TCERG1L: variants seen among roughly 807,000 people sequenced by gnomAD.
The protein encoded by TCERG1L is transcription elongation regulator 1 like.
TCERG1L carries 37 observed loss-of-function variants against 56.3 expected under a neutral mutation model. That is an observed-to-expected ratio of 0.66 (90% confidence interval 0.51 to 0.87). The LOEUF is 0.87. Among genes scored for constraint, TCERG1L ranks in the 40% least tolerant of loss-of-function variants. The probability of loss-of-function intolerance (pLI) is 0.00; values close to 1 mark genes in which losing one functional copy is unlikely to be tolerated. For synonymous variants in TCERG1L, 324 were observed against 326.3 expected (o/e 0.99, Z 0.08); for missense variants, 799 against 774.2 (o/e 1.03, Z -0.38).
rs367834785 is a variant in TCERG1L at position 131,211,494 on chromosome 10, C to T, written c.857-44609G>A. ...TGCTAGAACCCCTTCTATTTAGTTA[C>T]ACCACGAGAAGTAATGTCCCAGGAT... On this transcript the variant is annotated intron_variant, in intron 4 of 11. Transcript: ENST00000368642. 1.1e-4 allele frequency among the ~76,000 whole-genome samples: 17 copies of T among 152,326 alleles called. No homozygotes were observed. The East Asian group carries it at 2.5e-3, about 23-fold the overall frequency.
intron 4 of TCERG1L, among the ~76,000 whole-genome samples, chr10:131,168,413 G>A (rs561534121): frequency 3.3e-4 from 50 of 152,306 alleles, no homozygotes; most frequent in African/African-American, 1.2e-3. Flanking sequence ...TCTGGCTTGC[G>A]GCTGCAGAGC....
chr10:131,148,650 A>C (rs1845829329), intron 6 of TCERG1L, among the ~76,000 whole-genome samples: 1 of 126,008 alleles, frequency 7.9e-6, no homozygotes, highest in South Asian at 2.6e-4. Flanking sequence ...GGAGAGACAG[A>C]GATCGGGAGA....
At chr10:131,282,251 C>A (rs563789189) in intron 3 of TCERG1L, among the ~76,000 whole-genome samples, 8 of 152,146 alleles carry the variant, frequency 5.3e-5, no homozygotes, top group African/African-American at 1.9e-4. Flanking sequence ...ATTTAGACCC[C>A]ACGCTTTCAA....
At chr10:131,110,144 A>AGCG (rs1226772994) in intron 9 of TCERG1L, among the ~76,000 whole-genome samples, 2 of 152,192 alleles carry the variant, frequency 1.3e-5, no homozygotes, top group Admixed American at 6.5e-5. Context: ...TCCCTTTCAC[A>AGCG]GCGGTTTTCA....
At chr10:131,120,121 C>G (rs1845498639) in intron 8 of TCERG1L, among the ~76,000 whole-genome samples, 1 of 152,156 alleles carries the variant, frequency 6.6e-6, no homozygotes, top group African/African-American at 2.4e-5. Flanking sequence ...CTTCCCCCAG[C>G]CTCTGAGCTT....
chr10:131,227,883 T>C (rs72841338), intron 4 of TCERG1L, among the ~76,000 whole-genome samples: 4,774 of 152,276 alleles, frequency 0.031, 93 homozygotes, highest in Middle Eastern at 0.044. Context: ...CGCAACTATC[T>C]TCCGGGTCAA....
intron 11 of TCERG1L, among the ~76,000 whole-genome samples, chr10:131,094,897 CA>C (rs1443910335): frequency 6.6e-6 from 1 of 152,242 alleles, no homozygotes; most frequent in African/African-American, 2.4e-5. Context: ...AGGGGCTGGA[CA>C]GGGGCAGCTG....
intron 9 of TCERG1L, among the ~76,000 whole-genome samples, chr10:131,116,136 C>T (rs1845457250): frequency 1.3e-5 from 2 of 152,176 alleles, no homozygotes; most frequent in Non-Finnish European, 2.9e-5. Flanking sequence ...ATTTTATACC[C>T]AAAGCCAAAG....
intron 6 of TCERG1L, among the ~76,000 whole-genome samples, chr10:131,154,561 G>T (rs1845899598): frequency 6.6e-6 from 1 of 152,190 alleles, no homozygotes; most frequent in Non-Finnish European, 1.5e-5. Flanking sequence ...TCCCTCTCCT[G>T]GTCCTCCCCA....
chr10:131,156,379 TACTGAAATAGAA>T, intron 6 of TCERG1L: 1 of 152,060 alleles, frequency 6.6e-6, no homozygotes, highest in East Asian at 1.9e-4. Context: ...TACCCACGGG[TACTGAAATAGAA>T]AATGAAGTCA....
At chr10:131,256,992 G>GGAAGAAAGAAAGAAAGAAAGAAA (rs1846173015) in intron 4 of TCERG1L, among the ~76,000 whole-genome samples, 1 of 59,170 alleles carries the variant, frequency 1.7e-5, no homozygotes, top group African/African-American at 5.5e-5. Context: ...AAGGAAGGAA[G>GGAAGAAAGAAAGAAAGAAAGAAA]GAAAGAAAGA....
chr10:131,199,796 A>G (rs553081563), intron 4 of TCERG1L, among the ~76,000 whole-genome samples: 16 of 152,320 alleles, frequency 1.1e-4, no homozygotes, highest in South Asian at 1.0e-3. Flanking sequence ...CCCCTCCTGT[A>G]AACAGTGGGA....
chr10:131,138,170 G>A (rs1845696128), intron 7 of TCERG1L, among the ~76,000 whole-genome samples: 1 of 152,224 alleles, frequency 6.6e-6, no homozygotes, highest in Admixed American at 6.5e-5. Flanking sequence ...TCAGGAGGCT[G>A]AGGCAGGAGA....
rs192732905 is a variant in TCERG1L, at chr10:131,159,941, G to A, written c.1034+3181C>T. Among the ~76,000 whole-genome samples, 363 of 152,238 alleles carry A rather than the reference G, an allele frequency of 2.4e-3. 1 individual carries two copies. The highest frequency in any genetic ancestry group is 0.011 in the South Asian group (51 of 4,816). On this transcript the variant is annotated intron_variant, in intron 6 of 11. Transcript: ENST00000368642. ...AACCCACCCTCTGAGGTCTGGTGGC[G>A]GTCTGCCAATACTCACATCCTGATT... is the stretch of plus-strand genomic sequence containing the variant.
chr10:131,262,958 A>G (rs1304300694), intron 3 of TCERG1L, among the ~76,000 whole-genome samples: 2 of 152,024 alleles, frequency 1.3e-5, no homozygotes, highest in African/African-American at 2.4e-5. Context: ...TCCGCTTGGC[A>G]ATATCCATTT....
chr10:131,252,964 C>G (rs1448760726), intron 4 of TCERG1L, among the ~76,000 whole-genome samples: 1 of 152,188 alleles, frequency 6.6e-6, no homozygotes, highest in Non-Finnish European at 1.5e-5. Context: ...CTGGTCCCTG[C>G]TTGAAGACCA....
intron 11 of TCERG1L, 23 bp downstream of exon 11, chr10:131,098,283 C>G: frequency 6.5e-7 from 1 of 1,547,522 alleles, no homozygotes; most frequent in Non-Finnish European, 8.7e-7. Flanking sequence ...CAGAAATCAT[C>G]CGGTATATTT....
intron 4 of TCERG1L, among the ~76,000 whole-genome samples, chr10:131,221,841 GCCTCCA>G (rs1313572713): frequency 3.3e-5 from 5 of 152,224 alleles, no homozygotes; most frequent in African/African-American, 1.2e-4. Flanking sequence ...TCCCGCCGCT[GCCTCCA>G]CGTTGGGAGT....
chr10:131,191,589 C>T (rs1845302058), intron 4 of TCERG1L, among the ~76,000 whole-genome samples: 1 of 143,048 alleles, frequency 7.0e-6, no homozygotes, highest in Admixed American at 7.0e-5. Flanking sequence ...CAAATACATA[C>T]AGCCAACTGA....
Sources: gnomAD v4.1 joint callset for allele counts (sites outside exome capture counted in the v4.1 genomes callset) on GRCh38, gnomAD v4.1.1 for gene constraint, MANE v1.5 for transcripts, NCBI Gene and HGNC (gene_info 2026-07-23, HGNC 2026-07-21) for gene names.